The following NEB variants were observed in gnomAD, a reference collection of about 807,000 sequenced individuals.
NEB encodes nemaline myopathy type 2.
In NEB, 512 loss-of-function variants were observed where a neutral mutation model predicts 952.2. The observed-to-expected ratio is 0.54, with a 90% CI of 0.50 to 0.58. The LOEUF (loss-of-function observed/expected upper bound fraction) is 0.58, where lower values mean the gene tolerates loss of function less well. NEB is among the 20% of genes least tolerant of loss of function. The pLI, the probability that NEB is intolerant of heterozygous loss-of-function variation, is 0.00. For synonymous variants in NEB, 2,900 were observed against 3,149.8 expected, an observed-to-expected ratio of 0.92 and a Z score of 2.66; for missense variants, 8,428 against 9,231.1, an observed-to-expected ratio of 0.91 and a Z score of 3.56.
At chr2:151,629,826 A>G (rs1256394356) in intron 67 of NEB, among the ~76,000 whole-genome samples, 180 bp from the exon 68 acceptor site, 1 of 152,228 alleles carries the variant, frequency 6.6e-6, no homozygotes, top group Non-Finnish European at 1.5e-5. Context: ...AGCGTTAGAA[A>G]TAAATGGGAT....
chr2:151,648,226 T>C (rs2098985391), intron 54 of NEB, among the ~76,000 whole-genome samples: 1 of 152,154 alleles, frequency 6.6e-6, no homozygotes, highest in South Asian at 2.1e-4. Flanking sequence ...GTCTCATTGA[T>C]TCCTTAAACT....
At position 151,570,069 on chromosome 2, in the gene NEB, C is replaced by T. The variant is rs575992442; in HGVS notation, c.17430+12G>A. 3.4e-5 allele frequency: 54 copies of T among 1,594,996 alleles called. 1 individual carries two copies. The South Asian group carries it at 5.6e-4, about 16-fold the overall frequency. Reference sequence around the variant, plus strand: ...TGAGAAAAGAGTTCAACCCCAAATGCAGCCCACTCACATCGCTCTGCAGTT... The same window carrying T: ...TGAGAAAAGAGTTCAACCCCAAATGTAGCCCACTCACATCGCTCTGCAGTT... On this transcript the variant is annotated intron_variant, in intron 109 of 181. Coordinates refer to ENST00000397345, the MANE Select transcript of NEB (RefSeq NM_001164508.2).
intron 156 of NEB, among the ~76,000 whole-genome samples, chr2:151,517,304 A>T (rs1045497029): frequency 2.0e-5 from 3 of 152,226 alleles, no homozygotes; most frequent in Non-Finnish European, 4.4e-5. Context: ...CAGCACCTTG[A>T]TGGCACTGCT....
At chr2:151,627,266 T>A in intron 69 of NEB, 61 bp from the exon 70 acceptor site, 2 of 1,544,572 alleles carry the variant, frequency 1.3e-6, no homozygotes, top group Non-Finnish European at 1.8e-6. Context: ...ATTTCAAAAA[T>A]AAAAAAATAA....
chr2:151,627,310 T>A, intron 69 of NEB, 105 bp from the exon 70 acceptor site: 1 of 1,420,300 alleles, frequency 7.0e-7, no homozygotes, highest in African/African-American at 1.4e-5. Flanking sequence ...ATTTCATGTA[T>A]ACGTTCTTCA....
chr2:151,546,553 TCTA>T (rs2094716569), intron 133 of NEB, 110 bp from the exon 134 acceptor site: 2 of 526,398 alleles, frequency 3.8e-6, no homozygotes, highest in South Asian at 2.8e-5. Context: ...TTTTGGTTCA[TCTA>T]CTTTTTTTTT....
At chr2:151,689,750 A>G (rs1466199114) in intron 24 of NEB, 1 of 152,198 alleles carries the variant, frequency 6.6e-6, no homozygotes, top group Non-Finnish European at 1.5e-5. Flanking sequence ...ATTTCTCTGC[A>G]GCTTGCTGAG....
chr2:151,617,578 A>C, intron 74 of NEB, 110 bp from the exon 75 acceptor site: 1 of 620,090 alleles, frequency 1.6e-6, no homozygotes, highest in East Asian at 2.8e-5. Flanking sequence ...ACAAGGTAGA[A>C]ATAAAATTAT....
At chr2:151,554,849 A>G in intron 125 of NEB, 82 bp downstream of exon 125, 2 of 1,032,050 alleles carry the variant, frequency 1.9e-6, no homozygotes, top group Admixed American at 3.4e-5. Flanking sequence ...CTATGATGTT[A>G]GCACAACAAT....
rs563635709 is a variant in NEB, at chr2:151,691,051, A to T, written c.2212-226T>A. On this transcript the variant is annotated intron_variant, in intron 23 of 181. Transcript: ENST00000397345. ...GTCTGCCTACAGCAACTCAGCAACC[A>T]GATTAACCTTACCCTGCTGAAGCCT... 2.0e-5 allele frequency among the ~76,000 whole-genome samples: 3 copies of T among 152,216 alleles called. No individual in the cohort carries two copies. In the South Asian group the frequency reaches 6.2e-4, roughly 32 times the overall value.
In NEB at chr2:151,640,034, C is replaced by A. The variant is rs771508604; in HGVS notation, c.8712G>T (p.Trp2904Cys). The change falls in exon 62 of 182, where the codon TGG becomes TGT. Residue 2904 changes from tryptophan (W) to cysteine (C), a missense_variant. Trp to Cys is a radical substitution (Grantham distance 215). Transcript: ENST00000397345. ...TGGACACCCAGCCAATGCCTCTCATCCACTGGAGATCAGACTTGTACATAT... is the reference window on the plus strand; with the variant it reads ...TGGACACCCAGCCAATGCCTCTCATACACTGGAGATCAGACTTGTACATAT... ...SDNMYKSDLQ[W>C]MRGIGWVSIG... is the part of the protein sequence containing the mutation. The A allele has an allele frequency of 6.2e-7, 1 of 1,613,852 alleles. No individual in the cohort carries two copies. Among genetic ancestry groups the A allele is most frequent in the Non-Finnish European group, 8.5e-7 (1 of 1,179,772 alleles).
chr2:151,608,775 T>C (rs1310372414), intron 81 of NEB, 99 bp from the exon 82 acceptor site: 3 of 97,568 alleles, frequency 3.1e-5, no homozygotes, highest in African/African-American at 1.0e-4. Context: ...TGGTGGCGCA[T>C]GCCTGTAATC....
chr2:151,535,551 T>G, intron 142 of NEB, 140 bp downstream of exon 142: 1 of 562,816 alleles, frequency 1.8e-6, no homozygotes, highest in Non-Finnish European at 3.1e-6. Context: ...CATTATAGAG[T>G]CTTTTCCAAA....
At chr2:151,566,952 A>C (rs1476215002) in intron 114 of NEB, among the ~76,000 whole-genome samples, 1 of 152,210 alleles carries the variant, frequency 6.6e-6, no homozygotes, top group Non-Finnish European at 1.5e-5. Context: ...TTTTAAAAAA[A>C]TTTGATTGAA....
chr2:151,578,308 G>A, intron 105 of NEB, among the ~76,000 whole-genome samples: 1 of 145,544 alleles, frequency 6.9e-6, no homozygotes, highest in Non-Finnish European at 1.6e-5. Flanking sequence ...GGTCTGGAGT[G>A]TGCTGCTAAC....
At chr2:151,729,713 T>A (rs1473198897) in intron 3 of NEB, 57 bp from the exon 4 acceptor site, 4 of 1,571,538 alleles carry the variant, frequency 2.5e-6, no homozygotes, top group Non-Finnish European at 3.5e-6. Context: ...CCACCTCTCC[T>A]CTGCCTCAGC....
At chr2:151,623,762 T>C (rs2098462915) in intron 71 of NEB, among the ~76,000 whole-genome samples, 1 of 152,144 alleles carries the variant, frequency 6.6e-6, no homozygotes, top group Non-Finnish European at 1.5e-5. Context: ...CTTTTGAAAC[T>C]GGAAGGTCAA....
chr2:151,631,011 G>A, intron 66 of NEB, 132 bp downstream of exon 66: 2 of 1,315,418 alleles, frequency 1.5e-6, no homozygotes, highest in Non-Finnish European at 2.1e-6. Flanking sequence ...TTATTTAGAG[G>A]ATTTCAAGCA....
chr2:151,727,908 T>A lies in NEB; in HGVS notation c.79-2A>T. 1 of 1,610,684 alleles carries A rather than the reference T, an allele frequency of 6.2e-7. No individual in the cohort carries two copies. The highest frequency in any genetic ancestry group is 8.5e-7 in the Non-Finnish European group (1 of 1,177,720). ...AGTCTCATAAATTTTTGTTATTGTCTGAAAATTTGATATGCAGTTCAACAT... is the reference window on the plus strand; with the variant it reads ...AGTCTCATAAATTTTTGTTATTGTCAGAAAATTTGATATGCAGTTCAACAT... On this transcript the variant is annotated splice_acceptor_variant, in intron 4 of 181. Transcript: ENST00000397345. LOFTEE classifies it high-confidence loss of function.
Sources: allele counts gnomAD v4.1 joint callset (sites outside exome capture counted in the v4.1 genomes callset), GRCh38; gene constraint gnomAD v4.1.1; transcripts MANE v1.5; gene names NCBI Gene and HGNC (gene_info 2026-07-23, HGNC 2026-07-21).